WBP2: variants seen among roughly 807,000 people sequenced by gnomAD.
The protein encoded by WBP2 is WW domain binding protein 2.
In WBP2, 23 loss-of-function variants were observed where a neutral mutation model predicts 33.0. The observed-to-expected ratio is 0.70, with a 90% CI of 0.50 to 0.99. The LOEUF (loss-of-function observed/expected upper bound fraction) is 0.99. WBP2 is among the 50% of genes least tolerant of loss of function. The probability of loss-of-function intolerance (pLI) is 0.00; values close to 1 mark genes in which losing one functional copy is unlikely to be tolerated. For synonymous variants in WBP2, 153 were observed against 133.5 expected (o/e 1.15, Z -1.01); for missense variants, 353 against 358.0 (o/e 0.99, Z 0.11).
Position 75,847,140 on chromosome 17 carries a change from C to T in WBP2, c.656-156G>A, listed in dbSNP as rs118054410. 6,073 of 789,480 alleles carry T rather than the reference C, an allele frequency of 7.7e-3. 39 individuals carry two copies. The highest frequency in any genetic ancestry group is 9.9e-3 in the Non-Finnish European group (4,864 of 490,566). 48.9% of individuals were successfully genotyped at this position (789,480 alleles called of 1,614,324 possible). A position where few individuals can be genotyped will look rare whatever the true frequency, so the allele number is the denominator to read the frequency against. ...TGAGGTTTCCTGAGCACATGCCACG[C>T]GCTGGCACGGTCCTTTCCAGGCCCA... On this transcript the variant is annotated intron_variant, in intron 6 of 7. Coordinates refer to ENST00000254806, the MANE Select transcript of WBP2 (RefSeq NM_012478.4).
At chr17:75,849,843 G>A in intron 2 of WBP2, 104 bp from the exon 3 acceptor site, 1 of 1,470,146 alleles carries the variant, frequency 6.8e-7, no homozygotes, top group Non-Finnish European at 9.2e-7. Flanking sequence ...CAGTGCCAGG[G>A]TCCAGCAGCC....
In WBP2 at chr17:75,846,967, C is replaced by T. The variant is rs774381170; in HGVS notation, c.673G>A (p.Glu225Lys). The T allele has an allele frequency of 6.2e-7, 1 of 1,614,124 alleles. No homozygotes were observed. The highest frequency in any genetic ancestry group is 1.7e-5 in the Admixed American group (1 of 60,012). ...TTGTAATAGGCGCTGGCGGCTGCTT[C>T]TGCGGCCTTGGCTTCGGCTGTGAGA... ...STPAAEAKAA[E>K]AAASAYYNPG... Residue 225 changes from glutamate (E) to lysine (K), a missense_variant, in exon 7 of 8, where the codon GAA (glutamate) becomes AAA (lysine). Coordinates refer to ENST00000254806, the MANE Select transcript of WBP2 (RefSeq NM_012478.4). The surrounding 1 kb of genome is among the most constrained non-coding windows in gnomAD (Gnocchi z 4.8).
At chr17:75,851,474 T>C (rs2065027039) in intron 2 of WBP2, 94 bp downstream of exon 2, 1 of 920,754 alleles carries the variant, frequency 1.1e-6, no homozygotes, top group Admixed American at 1.8e-5. Context: ...AGAGGCCACC[T>C]GACTCATGAG....
rs763791362 is a variant in WBP2 at position 75,846,777 on chromosome 17, G to A, written c.743C>T (p.Pro248Leu). The A allele has an allele frequency of 7.1e-6, 11 of 1,551,564 alleles. No homozygotes were observed. Among genetic ancestry groups the A allele is most frequent in the South Asian group, 3.7e-5 (3 of 81,760 alleles). Residue 248 changes from proline to leucine, a missense_variant, in exon 8 of 8, where the codon CCG becomes CTG. Coordinates refer to ENST00000254806, the MANE Select transcript of WBP2 (RefSeq NM_012478.4). This position sits in a 1 kb window ranked among gnomAD's most constrained non-coding sequence, Gnocchi z 4.8. ...HNVYMPTSQPPPPPYYPPEDK... is the reference protein window; with the variant it reads ...HNVYMPTSQPLPPPYYPPEDK... ...TTCCGGTGGGTAGTAGGGAGGTGGC[G>A]GCGGCTGGCTCTAAAGAAGGGAGAA... is the stretch of plus-strand genomic sequence containing the variant.
At chr17:75,848,111 G>C (rs2065006343) in intron 4 of WBP2, 181 bp from the exon 5 acceptor site, 1 of 805,858 alleles carries the variant, frequency 1.2e-6, no homozygotes, top group South Asian at 1.7e-5. Context: ...GGATGAGAGA[G>C]GACGGGAGAG....
Position 75,846,447 on chromosome 17 carries a change from G to A in WBP2, c.*287C>T, listed in dbSNP as rs1196546679. 4.0e-6 allele frequency: 2 copies of A among 495,598 alleles called. No individual in the cohort carries two copies. Among genetic ancestry groups the A allele is most frequent in the African/African-American group, 2.0e-5 (1 of 50,250 alleles). 30.7% of individuals were successfully genotyped at this position (495,598 alleles called of 1,614,324 possible). ...GAGAGTCCCTTCGAGGGGAGAAGCT[G>A]AGAGTGAAACAGGAACAGGGGATGC... On this transcript the variant is annotated 3_prime_UTR_variant, in exon 8 of 8. Coordinates refer to ENST00000254806, the MANE Select transcript of WBP2 (RefSeq NM_012478.4). This position sits in a 1 kb window ranked among gnomAD's most constrained non-coding sequence, Gnocchi z 4.8.
At position 75,846,936 on chromosome 17, in the gene WBP2, C is replaced by A; in HGVS notation, c.704G>T (p.Gly235Val). The change falls in exon 7 of 8, where the codon GGC (glycine) becomes GTC (valine). Residue 235 changes from glycine (G) to valine (V), a missense_variant. By Grantham distance (109) the Gly-to-Val change is moderately radical. Coordinates refer to ENST00000254806, the MANE Select transcript of WBP2 (RefSeq NM_012478.4). This position sits in a 1 kb window ranked among gnomAD's most constrained non-coding sequence, Gnocchi z 4.8. ...EAAASAYYNP[G>V]NPHNVYMPTS... ...GGGCATGTAGACGTTGTGAGGATTG[C>A]CTGGGTTGTAATAGGCGCTGGCGGC... The A allele has an allele frequency of 6.2e-7, 1 of 1,614,106 alleles. No individual in the cohort carries two copies. Among genetic ancestry groups the A allele is most frequent in the African/African-American group, 1.3e-5 (1 of 75,038 alleles).
At chr17:75,850,030 G>A (rs1402227867) in intron 2 of WBP2, among the ~76,000 whole-genome samples, 1 of 152,110 alleles carries the variant, frequency 6.6e-6, no homozygotes, top group African/African-American at 2.4e-5. Context: ...TGGCAGTGTT[G>A]CCTAAGTGAA....
At chr17:75,855,463 C>G, upstream of WBP2, 1 of 667,734 alleles carries the variant, frequency 1.5e-6, no homozygotes. Context: ...TTTACTCCCT[C>G]CTTCCAGTTC....
chr17:75,847,339 C>G, intron 6 of WBP2, 148 bp downstream of exon 6: 1 of 1,304,196 alleles, frequency 7.7e-7, no homozygotes, highest in African/African-American at 1.5e-5. Context: ...CTCCACCAGG[C>G]CACAGCCCTG....
At chr17:75,847,167 C>T (rs934864154) in intron 6 of WBP2, 183 bp from the exon 7 acceptor site, 18 of 702,948 alleles carry the variant, frequency 2.6e-5, no homozygotes, top group South Asian at 1.3e-4. Context: ...CCAGGCCCAT[C>T]GCATGTCTCA....
intron 1 of WBP2, chr17:75,852,001 G>A (rs1405009206): frequency 1.9e-5 from 4 of 211,174 alleles, no homozygotes; most frequent in Non-Finnish European, 3.0e-5. Context: ...CTAGTCAGGA[G>A]GCTGAGGCGG....
chr17:75,847,861 G>C lies in WBP2; in HGVS notation c.467C>G (p.Pro156Arg). The C allele has an allele frequency of 1.3e-6, 2 of 1,556,602 alleles. No homozygotes were observed. The highest frequency in any genetic ancestry group is 1.7e-6 in the Non-Finnish European group (2 of 1,149,818). ...SYMPSGAYVY[P>R]PPVANGMYPC... ...GTACATTCCATTGGCGACTGGCGGGGGATAGACATAGGCCCCGCTGGGCAT... is the reference window on the plus strand; with the variant it reads ...GTACATTCCATTGGCGACTGGCGGGCGATAGACATAGGCCCCGCTGGGCAT... The change falls in exon 5 of 8, where the codon CCC becomes CGC. Residue 156 changes from proline (P) to arginine (R), a missense_variant. By Grantham distance (103) the Pro-to-Arg change is moderately radical (BLOSUM62 -2). Transcript: ENST00000254806.
intron 4 of WBP2, 88 bp from the exon 5 acceptor site, chr17:75,848,018 G>A: frequency 6.6e-7 from 1 of 1,509,868 alleles, no homozygotes; most frequent in South Asian, 1.2e-5. Context: ...GGGAGCTACT[G>A]GGTCTCAGGA....
chr17:75,847,128 G>T, intron 6 of WBP2, 144 bp from the exon 7 acceptor site: 2 of 885,592 alleles, frequency 2.3e-6, no homozygotes, highest in Non-Finnish European at 3.5e-6. Flanking sequence ...GGTTTCCTGA[G>T]CACATGCCAC....
chr17:75,847,249 G>C (rs543387740), intron 6 of WBP2: 4 of 707,416 alleles, frequency 5.7e-6, no homozygotes, highest in African/African-American at 3.6e-5. Flanking sequence ...TGAGAGGATC[G>C]AGAGGCACAC....
intron 4 of WBP2, 198 bp downstream of exon 4, chr17:75,848,372 G>A (rs1360829130): frequency 1.6e-6 from 1 of 609,854 alleles, no homozygotes; most frequent in Non-Finnish European, 2.9e-6. Context: ...CCCAGGCAGG[G>A]AAACGCAGTC....
chr17:75,847,224 C>T (rs1057332187), intron 6 of WBP2: 3 of 680,302 alleles, frequency 4.4e-6, no homozygotes, highest in Non-Finnish European at 7.4e-6. Flanking sequence ...CTGTGACCGA[C>T]CAGCTGAGTG....
In WBP2 at chr17:75,855,175, C is replaced by A; in HGVS notation, c.59+64G>T. ...GGGGCTTATTCCCCACCACCCACCACCCACCGCCCACTTCCTCGACACCCG... is the reference window on the plus strand; with the variant it reads ...GGGGCTTATTCCCCACCACCCACCAACCACCGCCCACTTCCTCGACACCCG... On this transcript the variant is annotated intron_variant, in intron 1 of 7. Transcript: ENST00000254806. The A allele has an allele frequency of 4.7e-6, 6 of 1,269,446 alleles. No homozygotes were observed. The East Asian group carries it at 7.1e-5, about 15-fold the overall frequency. The allele number at this position is 1,269,446 out of a possible 1,614,324, so 78.6% of individuals were successfully genotyped here. A position where few individuals can be genotyped will look rare whatever the true frequency, so the allele number is the denominator to read the frequency against.
Sources: allele counts gnomAD v4.1 joint callset (sites outside exome capture counted in the v4.1 genomes callset), GRCh38; gene constraint gnomAD v4.1.1; non-coding constraint Gnocchi (gnomAD v3.1); transcripts MANE v1.5; gene names NCBI Gene and HGNC (gene_info 2026-07-23, HGNC 2026-07-21).